Variants in INTS8 observed in about 807,000 individuals in gnomAD.
INTS8 encodes the protein integrator complex subunit 8.
INTS8 carries 47 observed loss-of-function variants against 138.9 expected under a neutral mutation model. The observed-to-expected ratio is 0.34, with a 90% CI of 0.27 to 0.43. INTS8 has a LOEUF of 0.43. INTS8 is among the 20% of genes least tolerant of loss of function. The probability of loss-of-function intolerance (pLI) is 1.00; values close to 1 mark genes in which losing one functional copy is unlikely to be tolerated. For synonymous variants in INTS8, 392 were observed against 400.9 expected (o/e 0.98, Z 0.27); for missense variants, 996 against 1,173.0 (o/e 0.85, Z 2.20).
Position 94,881,610 on chromosome 8 carries a change from C to T in INTS8, c.*1376C>T, listed in dbSNP as rs1324378702. On this transcript the variant is annotated 3_prime_UTR_variant, in exon 27 of 27. Coordinates refer to ENST00000523731, the MANE Select transcript of INTS8 (RefSeq NM_017864.4). Reference sequence around the variant, plus strand: ...TCTACCCAATCTTGGTGAATTCCAACTTGTTTGCTTAGTTATCTTCTTTAG... The same window carrying T: ...TCTACCCAATCTTGGTGAATTCCAATTTGTTTGCTTAGTTATCTTCTTTAG... 4 of 1,609,428 alleles carry T rather than the reference C, an allele frequency of 2.5e-6. No homozygotes were observed. In the Admixed American group the frequency reaches 5.1e-5, roughly 21 times the overall value.
chr8:94,835,517 A>G, intron 6 of INTS8, among the ~76,000 whole-genome samples: 1 of 151,992 alleles, frequency 6.6e-6, no homozygotes, highest in East Asian at 1.9e-4. Context: ...CACCATCTTC[A>G]CTTTTGAGGG....
rs779677617 is a variant in INTS8, at chr8:94,841,541, C to T, written c.1068C>T (p.Val356=). Reference sequence around the variant, plus strand: ...ACAACTTAACCTTGAGTTTACCTGTCCAGTTCCGACAGTCAGTCCTAAGAG... The same window carrying T: ...ACAACTTAACCTTGAGTTTACCTGTTCAGTTCCGACAGTCAGTCCTAAGAG... The part of the protein sequence containing the change: ...IEDNLTLSLP[V]QFRQSVLREL... Residue 356 remains valine (V), a synonymous_variant, in exon 9 of 27, where the codon GTC becomes GTT. Transcript: ENST00000523731. 1 of 1,609,454 alleles carries T rather than the reference C, an allele frequency of 6.2e-7. No individual in the cohort carries two copies. Among genetic ancestry groups the T allele is most frequent in the African/African-American group, 1.3e-5 (1 of 74,870 alleles).
chr8:94,824,822 CAATAGTG>C (rs1488014233), intron 1 of INTS8, 64 bp from the exon 2 acceptor site: 1 of 280,896 alleles, frequency 3.6e-6, no homozygotes, highest in Non-Finnish European at 5.4e-6. Flanking sequence ...AAAACCAAAC[CAATAGTG>C]AATCCTTTTG....
chr8:94,836,062 A>C (rs571953356), intron 6 of INTS8, among the ~76,000 whole-genome samples: 10 of 152,290 alleles, frequency 6.6e-5, no homozygotes, highest in African/African-American at 1.2e-4. Flanking sequence ...AGTGATGGAG[A>C]ATCCATTGTG....
At chr8:94,844,599 G>T (rs1219824558) in intron 10 of INTS8, among the ~76,000 whole-genome samples, 2 of 152,174 alleles carry the variant, frequency 1.3e-5, no homozygotes, top group Non-Finnish European at 2.9e-5. Context: ...TTACAGGCAT[G>T]AGCCGTGCCC....
chr8:94,841,044 C>T (rs1022088210), intron 8 of INTS8, among the ~76,000 whole-genome samples: 1 of 151,740 alleles, frequency 6.6e-6, no homozygotes, highest in Non-Finnish European at 1.5e-5. Flanking sequence ...TCTCCAGTAG[C>T]TGGGATTACA....
chr8:94,875,886 A>G, intron 23 of INTS8, 188 bp from the exon 24 acceptor site: 1 of 521,520 alleles, frequency 1.9e-6, no homozygotes, highest in Non-Finnish European at 3.5e-6. Context: ...GGTTGAGGTC[A>G]CTGATGAAGA....
rs1410865367 is a variant in INTS8 at position 94,863,705 on chromosome 8, A to C, written c.2077-1801A>C. Among the ~76,000 whole-genome samples the C allele has an allele frequency of 2.0e-5, 3 of 152,210 alleles. No homozygotes were observed. The East Asian group carries it at 5.8e-4, about 29-fold the overall frequency. On this transcript the variant is annotated intron_variant, in intron 16 of 26. Transcript: ENST00000523731. ...AGGCCTTAGACTTTGAAAATTTTTTAAATTAAATTTATGTAATAAATTCAG... is the reference window on the plus strand; with the variant it reads ...AGGCCTTAGACTTTGAAAATTTTTTCAATTAAATTTATGTAATAAATTCAG...
chr8:94,853,975 G>T, intron 14 of INTS8, 60 bp downstream of exon 14: 2 of 1,034,404 alleles, frequency 1.9e-6, no homozygotes, highest in South Asian at 1.3e-5. Context: ...AGGTGCCGTG[G>T]CTCATACCTG....
At chr8:94,826,395 C>T (rs1216977987) in intron 2 of INTS8, among the ~76,000 whole-genome samples, 1 of 152,154 alleles carries the variant, frequency 6.6e-6, no homozygotes, top group Non-Finnish European at 1.5e-5. Context: ...CATTCTCCTG[C>T]CTCAGCCTCC....
At chr8:94,839,419 A>C (rs1815053755) in intron 8 of INTS8, among the ~76,000 whole-genome samples, 1 of 152,230 alleles carries the variant, frequency 6.6e-6, no homozygotes, top group East Asian at 1.9e-4. Context: ...TTTAACTCAA[A>C]ATAGGAATCA....
intron 16 of INTS8, among the ~76,000 whole-genome samples, chr8:94,862,217 C>T (rs1816017180): frequency 6.6e-6 from 1 of 152,222 alleles, no homozygotes; most frequent in African/African-American, 2.4e-5. Flanking sequence ...GCTGGGATTA[C>T]AGGCATAAGC....
chr8:94,849,502 C>A lies in INTS8; in HGVS notation c.1301C>A (p.Ser434Tyr). The change falls in exon 11 of 27, where the codon TCT (serine) becomes TAT (tyrosine). Residue 434 changes from serine to tyrosine, a missense_variant. Transcript: ENST00000523731. Reference protein sequence around the residue: ...RSVNLEKASESLKGNMAAFLK... With the variant: ...RSVNLEKASEYLKGNMAAFLK... ...GTAAATTTAGAAAAAGCTTCAGAGT[C>A]TTTGAAAGGAAACATGGCTGCTTTT... is the stretch of plus-strand genomic sequence containing the variant. 2 of 1,568,202 alleles carry A rather than the reference C, an allele frequency of 1.3e-6. No individual in the cohort carries two copies. Among genetic ancestry groups the A allele is most frequent in the Non-Finnish European group, 1.7e-6 (2 of 1,152,420 alleles).
At chr8:94,853,414 G>A (rs968074077) in intron 13 of INTS8, among the ~76,000 whole-genome samples, 2 of 152,146 alleles carry the variant, frequency 1.3e-5, no homozygotes, top group Non-Finnish European at 2.9e-5. Context: ...TTGAATGCCA[G>A]CTTCATACTT....
intron 10 of INTS8, among the ~76,000 whole-genome samples, chr8:94,843,719 C>T (rs1815223382): frequency 2.0e-5 from 3 of 147,486 alleles, no homozygotes; most frequent in South Asian, 4.3e-4. Flanking sequence ...TTGGAACATA[C>T]TTGTACATAT....
intron 25 of INTS8, 29 bp downstream of exon 25, chr8:94,876,314 A>AG: frequency 6.5e-7 from 1 of 1,545,322 alleles, no homozygotes; most frequent in Non-Finnish European, 8.9e-7. Context: ...GTGTGATGTT[A>AG]GAATGATCCA....
chr8:94,859,882 G>C, intron 16 of INTS8: 1 of 391,234 alleles, frequency 2.6e-6, no homozygotes, highest in Middle Eastern at 7.8e-4. Context: ...TAACACATTG[G>C]TGTAATCCTA....
intron 15 of INTS8, among the ~76,000 whole-genome samples, chr8:94,857,325 C>T (rs923176254): frequency 1.3e-5 from 2 of 151,948 alleles, no homozygotes; most frequent in Non-Finnish European, 2.9e-5. Context: ...ACCCTCCTCG[C>T]CCTCCCAAAG....
At chr8:94,857,905 C>G (rs1317086908) in intron 15 of INTS8, among the ~76,000 whole-genome samples, 4 of 152,220 alleles carry the variant, frequency 2.6e-5, no homozygotes. Context: ...TTGCAATGTT[C>G]AGGTGTTTGA....
Sources: gnomAD v4.1 joint callset for allele counts (sites outside exome capture counted in the v4.1 genomes callset) on GRCh38, gnomAD v4.1.1 for gene constraint, MANE v1.5 for transcripts, NCBI Gene and HGNC (gene_info 2026-07-23, HGNC 2026-07-21) for gene names.